GABRA1: variants seen among roughly 807,000 people sequenced by gnomAD.
GABRA1 encodes the protein gamma-aminobutyric acid type A receptor subunit alpha1.
A neutral mutation model predicts 48.9 loss-of-function variants in GABRA1; 9 were observed. The observed-to-expected ratio is 0.18, with a 90% CI of 0.11 to 0.32. The LOEUF (loss-of-function observed/expected upper bound fraction) is 0.32, where lower values mean the gene tolerates loss of function less well. GABRA1 is among the 10% of genes least tolerant of loss of function. The pLI, the probability that GABRA1 is intolerant of heterozygous loss-of-function variation, is 1.00. For missense variants in GABRA1, 285 were observed against 553.8 expected, an observed-to-expected ratio of 0.51 and a Z score of 4.87; for synonymous variants, 210 against 198.7, an observed-to-expected ratio of 1.06 and a Z score of -0.48.
chr5:161,887,006 C>T lies in GABRA1; in HGVS notation c.704-3892C>T, dbSNP rs151050151. ...ATGAAATATAACTTATAAAGAAAAA[C>T]AAAATAATGAAATTGATCACGAAGC... On this transcript the variant is annotated intron_variant, in intron 7 of 9. Transcript: ENST00000393943. Among the ~76,000 whole-genome samples the T allele has an allele frequency of 3.0e-3, 460 of 152,012 alleles. 2 individuals carry two copies. Among genetic ancestry groups the T allele is most frequent in the Non-Finnish European group, 5.4e-3 (367 of 67,960 alleles).
At chr5:161,884,554 C>G (rs758768656) in intron 7 of GABRA1, among the ~76,000 whole-genome samples, 10 of 152,032 alleles carry the variant, frequency 6.6e-5, no homozygotes, top group Non-Finnish European at 1.3e-4. Context: ...TTAAGATGAT[C>G]TAGGAAGGAT....
intron 7 of GABRA1, among the ~76,000 whole-genome samples, chr5:161,885,150 A>T (rs1754789194): frequency 6.6e-6 from 1 of 152,162 alleles, no homozygotes; most frequent in East Asian, 1.9e-4. Flanking sequence ...CAATGAGCAA[A>T]TTCTCAAATG....
rs1755427484 is a variant in GABRA1 at position 161,897,570 on chromosome 5, C to T, written c.*148C>T. 1 of 787,444 alleles carries T rather than the reference C, an allele frequency of 1.3e-6. No individual in the cohort carries two copies. The highest frequency in any genetic ancestry group is 2.5e-5 in the Admixed American group (1 of 40,050). 48.8% of individuals were successfully genotyped at this position (787,444 alleles called of 1,614,324 possible). ...CATAATTCATTTAAGAACAAGAGAC[C>T]CCTGTCTGGCAGTCTGGAGCAAAGC... On this transcript the variant is annotated 3_prime_UTR_variant, in exon 10 of 10. Transcript: ENST00000393943.
chr5:161,894,322 A>T (rs1277434722), intron 8 of GABRA1, among the ~76,000 whole-genome samples: 1 of 152,164 alleles, frequency 6.6e-6, no homozygotes, highest in Non-Finnish European at 1.5e-5. Flanking sequence ...GTTGCCCTGG[A>T]CTTTCAATTA....
At chr5:161,864,198 AT>A (rs541561478) in intron 3 of GABRA1, among the ~76,000 whole-genome samples, 104 of 151,534 alleles carry the variant, frequency 6.9e-4, no homozygotes, top group South Asian at 6.1e-3. Context: ...AAGTAAATTA[AT>A]TTTTTTTTCT....
At chr5:161,862,074 C>A (rs541444437) in intron 3 of GABRA1, among the ~76,000 whole-genome samples, 130 of 151,932 alleles carry the variant, frequency 8.6e-4, no homozygotes, top group Non-Finnish European at 1.5e-3. Context: ...ACCTACAATT[C>A]TTTCTTATTC....
chr5:161,873,595 C>T (rs1754218767), intron 5 of GABRA1, among the ~76,000 whole-genome samples: 1 of 152,124 alleles, frequency 6.6e-6, no homozygotes, highest in Admixed American at 6.6e-5. Context: ...ATATAAGGAA[C>T]TTCCTCTCCC....
chr5:161,893,200 G>T (rs1755200295), intron 8 of GABRA1, among the ~76,000 whole-genome samples: 1 of 151,906 alleles, frequency 6.6e-6, no homozygotes, highest in Non-Finnish European at 1.5e-5. Context: ...CAGCATTTCA[G>T]ATGGTGTATG....
rs1046104446 is a variant in GABRA1 at position 161,892,776 on chromosome 5, G to A, written c.856+1726G>A. Among the ~76,000 whole-genome samples, 10 of 152,044 alleles carry A rather than the reference G, an allele frequency of 6.6e-5. 1 individual carries two copies. The South Asian group carries it at 1.7e-3, about 25-fold the overall frequency. The stretch of plus-strand genomic sequence containing the variant: ...TCCCAGCACTTTGGGAGGCCGAGGC[G>A]GGTGGATCACGAGGTCAGGAGATCG... On this transcript the variant is annotated intron_variant, in intron 8 of 9. Coordinates refer to ENST00000393943, the MANE Select transcript of GABRA1 (RefSeq NM_001127644.2).
chr5:161,869,262 A>G (rs967681887), intron 4 of GABRA1, among the ~76,000 whole-genome samples: 2 of 152,208 alleles, frequency 1.3e-5, no homozygotes, highest in Admixed American at 1.3e-4. Flanking sequence ...TTGAATGCTT[A>G]CAACACATTA....
chr5:161,857,423 T>C (rs1322339617), intron 3 of GABRA1, among the ~76,000 whole-genome samples: 1 of 151,606 alleles, frequency 6.6e-6, no homozygotes, highest in African/African-American at 2.4e-5. Flanking sequence ...AGTTTATATG[T>C]ACCTTGGATT....
chr5:161,879,410 C>A (rs1170344511), intron 6 of GABRA1, among the ~76,000 whole-genome samples: 1 of 152,186 alleles, frequency 6.6e-6, no homozygotes, highest in Non-Finnish European at 1.5e-5. Context: ...CCGTGCCCAG[C>A]CACCTTGTGG....
intron 2 of GABRA1, among the ~76,000 whole-genome samples, chr5:161,853,897 A>G (rs776072552): frequency 1.2e-4 from 18 of 151,856 alleles, no homozygotes; most frequent in Non-Finnish European, 2.2e-4. Context: ...CAACGTAATA[A>G]ACATGATAAG....
At chr5:161,885,223 C>A (rs1754791672) in intron 7 of GABRA1, among the ~76,000 whole-genome samples, 1 of 152,228 alleles carries the variant, frequency 6.6e-6, no homozygotes, top group African/African-American at 2.4e-5. Context: ...CCTCTGGGAC[C>A]ACTTTAGCTC....
chr5:161,869,386 T>A (rs776654589), intron 4 of GABRA1, among the ~76,000 whole-genome samples: 2 of 152,164 alleles, frequency 1.3e-5, no homozygotes, highest in Non-Finnish European at 2.9e-5. Context: ...GCTAGCTAAG[T>A]GTAGCAACTT....
chr5:161,867,127 T>C (rs2113359524), intron 4 of GABRA1, among the ~76,000 whole-genome samples: 2 of 152,302 alleles, frequency 1.3e-5, no homozygotes, highest in East Asian at 3.9e-4. Flanking sequence ...ACGATTTATT[T>C]TGTAATTATG....
At chr5:161,885,065 G>A (rs115826883) in intron 7 of GABRA1, among the ~76,000 whole-genome samples, 3 of 152,168 alleles carry the variant, frequency 2.0e-5, no homozygotes, top group Admixed American at 1.3e-4. Context: ...TTCTGTGCTA[G>A]AGCAGCAAGT....
intron 5 of GABRA1, 64 bp from the exon 6 acceptor site, chr5:161,875,496 C>T (rs1247145097): frequency 1.3e-5 from 17 of 1,272,852 alleles, no homozygotes; most frequent in South Asian, 2.4e-5. Context: ...TAACATTCCA[C>T]TTGTACTTAT....
At chr5:161,857,236 T>C (rs764256996) in intron 3 of GABRA1, among the ~76,000 whole-genome samples, 73 of 151,390 alleles carry the variant, frequency 4.8e-4, no homozygotes, top group Non-Finnish European at 9.8e-4. Flanking sequence ...TTTTTTTATA[T>C]AAAAGTAACA....
Sources: gnomAD v4.1 joint callset for allele counts (sites outside exome capture counted in the v4.1 genomes callset) on GRCh38, gnomAD v4.1.1 for gene constraint, MANE v1.5 for transcripts, NCBI Gene and HGNC (gene_info 2026-07-23, HGNC 2026-07-21) for gene names.